The following POLR3D variants were observed in gnomAD, a reference collection of about 807,000 sequenced individuals.
POLR3D encodes the protein DNA-directed RNA polymerase III subunit RPC4.
In POLR3D, 42 loss-of-function variants were observed where a neutral mutation model predicts 44.5. The observed-to-expected ratio is 0.94, with a 90% CI of 0.74 to 1.22. The LOEUF (loss-of-function observed/expected upper bound fraction) is 1.22. Among genes scored for constraint, POLR3D ranks in the 50% most tolerant of loss-of-function variants. The pLI is 0.00. For missense variants in POLR3D, 507 were observed against 505.2 expected, an observed-to-expected ratio of 1.00 and a Z score of -0.03; for synonymous variants, 217 against 198.1, an observed-to-expected ratio of 1.10 and a Z score of -0.80.
At chr8:22,246,522 T>C (rs928510317) in intron 2 of POLR3D, among the ~76,000 whole-genome samples, 12 of 151,682 alleles carry the variant, frequency 7.9e-5, no homozygotes, top group Admixed American at 4.6e-4. Context: ...CTCAGCTCAC[T>C]GCAACCTCCG....
At chr8:22,250,352 G>A in intron 8 of POLR3D, 44 bp from the exon 9 acceptor site, 7 of 1,613,534 alleles carry the variant, frequency 4.3e-6, no homozygotes, top group Non-Finnish European at 5.9e-6. Flanking sequence ...CTACACGCCG[G>A]GCACGTGGTG....
Position 22,254,427 on chromosome 8 carries a change from T to G in POLR3D, c.*3909T>G, listed in dbSNP as rs1000097886. 13 of 152,266 alleles carry G rather than the reference T, an allele frequency of 8.5e-5. No individual in the cohort carries two copies. The highest frequency in any genetic ancestry group is 1.5e-4 in the Non-Finnish European group (10 of 68,078). 9.4% of individuals were successfully genotyped at this position (152,266 alleles called of 1,614,324 possible). A position where few individuals can be genotyped will look rare whatever the true frequency, so the allele number is the denominator to read the frequency against. On this transcript the variant is annotated 3_prime_UTR_variant, in exon 9 of 9. Coordinates refer to ENST00000306433, the MANE Select transcript of POLR3D (RefSeq NM_001722.3). The stretch of plus-strand genomic sequence containing the variant: ...CTGGAGCTGAGGTGGGAGGATCACT[T>G]GAGCCCAGGAGTTCAAGACCAGCCT...
chr8:22,247,085 G>T, intron 2 of POLR3D, 136 bp from the exon 3 acceptor site: 2 of 646,936 alleles, frequency 3.1e-6, no homozygotes, highest in South Asian at 2.0e-5. Flanking sequence ...CTATAAAACT[G>T]ACAGCACTGT....
chr8:22,249,863 G>C (rs1347558217), intron 7 of POLR3D, among the ~76,000 whole-genome samples: 1 of 152,198 alleles, frequency 6.6e-6, no homozygotes, highest in African/African-American at 2.4e-5. Context: ...CCAGAACTCA[G>C]CTTCAGCAGT....
chr8:22,249,490 G>C (rs553612038), intron 7 of POLR3D, among the ~76,000 whole-genome samples, 181 bp downstream of exon 7: 14 of 152,016 alleles, frequency 9.2e-5, no homozygotes, highest in Non-Finnish European at 2.1e-4. Flanking sequence ...TATGTGTTGT[G>C]GGGGTGTGTG....
At position 22,249,326 on chromosome 8, in the gene POLR3D, G is replaced by C. The variant is rs1830076873; in HGVS notation, c.921+17G>C. ...AAAGACCGAGTACGCTCAGACAGAG[G>C]CCTGCGGGAATCAAGTCGGGGACTG... is the stretch of plus-strand genomic sequence containing the variant. On this transcript the variant is annotated intron_variant, in intron 7 of 8. Coordinates refer to ENST00000306433, the MANE Select transcript of POLR3D (RefSeq NM_001722.3). The C allele has an allele frequency of 6.2e-7, 1 of 1,608,388 alleles. No homozygotes were observed. The highest frequency in any genetic ancestry group is 1.7e-5 in the Admixed American group (1 of 59,896).
intron 6 of POLR3D, 108 bp from the exon 7 acceptor site, chr8:22,248,936 A>G (rs1417683286): frequency 1.6e-6 from 2 of 1,286,700 alleles, no homozygotes; most frequent in Non-Finnish European, 2.2e-6. Context: ...CCTCCTTCCC[A>G]CTCCCTGGCT....
intron 3 of POLR3D, 52 bp from the exon 4 acceptor site, chr8:22,247,805 T>C: frequency 6.4e-7 from 1 of 1,573,590 alleles, no homozygotes; most frequent in South Asian, 1.1e-5. Flanking sequence ...TAAGGCCAGA[T>C]TTTGGAGACA....
intron 2 of POLR3D, 148 bp downstream of exon 2, chr8:22,245,762 C>T: frequency 2.1e-6 from 1 of 477,864 alleles, no homozygotes; most frequent in Non-Finnish European, 3.3e-6. Flanking sequence ...GGGAGTCTGT[C>T]CTACCTTCAA....
chr8:22,246,086 G>T (rs767036316), intron 2 of POLR3D, among the ~76,000 whole-genome samples: 2 of 152,128 alleles, frequency 1.3e-5, no homozygotes, highest in Non-Finnish European at 2.9e-5. Flanking sequence ...CCCAGAAAGG[G>T]GTGGGGTCAG....
At chr8:22,247,817 A>G (rs375420772) in intron 3 of POLR3D, 40 bp from the exon 4 acceptor site, 2 of 1,594,610 alleles carry the variant, frequency 1.3e-6, no homozygotes, top group Non-Finnish European at 1.7e-6. Context: ...TTGGAGACAC[A>G]GTGAGTGAGT....
Position 22,247,763 on chromosome 8 carries a change from C to T in POLR3D, c.210-94C>T, listed in dbSNP as rs569189585. ...TGGTGTAAATATTGGCTCAAACTCT[C>T]CACTGTTTTGGAGTGAAGTGGTATG... is the stretch of plus-strand genomic sequence containing the variant. On this transcript the variant is annotated intron_variant, in intron 3 of 8. Transcript: ENST00000306433. 153 of 1,181,756 alleles carry T rather than the reference C, an allele frequency of 1.3e-4. No individual in the cohort carries two copies. In the African/African-American group the frequency reaches 2.0e-3, roughly 15 times the overall value. 73.2% of individuals were successfully genotyped at this position (1,181,756 alleles called of 1,614,324 possible).
Position 22,250,157 on chromosome 8 carries a change from G to T in POLR3D, c.1004G>T (p.Gly335Val). The T allele has an allele frequency of 6.2e-7, 1 of 1,614,168 alleles. No individual in the cohort carries two copies. Among genetic ancestry groups the T allele is most frequent in the East Asian group, 2.2e-5 (1 of 44,870 alleles). The change falls in exon 8 of 9, where the codon GGA (glycine) becomes GTA (valine). Residue 335 changes from glycine to valine, a missense_variant. By Grantham distance (109) the Gly-to-Val change is moderately radical. Transcript: ENST00000306433. ...GGCAAGCTACTCATCCGCAAGTCTG[G>T]AAGGGTGCAACTCCTCTTGGGCAAG... is the stretch of plus-strand genomic sequence containing the variant. ...QVGKLLIRKS[G>V]RVQLLLGKVT...
rs1214269506 is a variant in POLR3D, at chr8:22,251,294, A to G, written c.*776A>G. ...GTCCTCACCCTGGGCCTGATGCCCT[A>G]AATTTATGGTGTCAGATTGTTCTAT... is the stretch of plus-strand genomic sequence containing the variant. On this transcript the variant is annotated 3_prime_UTR_variant, in exon 9 of 9. Transcript: ENST00000306433. 6.5e-6 allele frequency: 1 copy of G among 153,576 alleles called. No individual in the cohort carries two copies. Among genetic ancestry groups the G allele is most frequent in the Non-Finnish European group, 1.5e-5 (1 of 68,058 alleles). 9.5% of individuals were successfully genotyped at this position (153,576 alleles called of 1,614,324 possible). A position where few individuals can be genotyped will look rare whatever the true frequency, so the allele number is the denominator to read the frequency against.
Position 22,248,011 on chromosome 8 carries a change from A to G in POLR3D, c.361+3A>G. 1 of 1,612,994 alleles carries G rather than the reference A, an allele frequency of 6.2e-7. No homozygotes were observed. Among genetic ancestry groups the G allele is most frequent in the Non-Finnish European group, 8.5e-7 (1 of 1,179,196 alleles). ...AGCTGAAATGATGAAGAAAAAAGGT[A>G]TAAGGAAGGAATCAGTGAATTTCAG... is the stretch of plus-strand genomic sequence containing the variant. On this transcript the variant is annotated splice_donor_region_variant and intron_variant, in intron 4 of 8. Transcript: ENST00000306433.
Position 22,245,626 on chromosome 8 carries a change from C to T in POLR3D, c.165+12C>T, listed in dbSNP as rs913834169. The stretch of plus-strand genomic sequence containing the variant: ...GGGGAGTCAAGAAGGTACCCAACGG[C>T]GCGTTTCTAAAGAAACTCAACTACC... On this transcript the variant is annotated intron_variant, in intron 2 of 8. Transcript: ENST00000306433. The T allele has an allele frequency of 7.2e-6, 9 of 1,250,756 alleles. No individual in the cohort carries two copies. In the African/African-American group the frequency reaches 1.1e-4, roughly 15 times the overall value. 77.5% of individuals were successfully genotyped at this position (1,250,756 alleles called of 1,614,324 possible).
At chr8:22,248,132 T>C in intron 4 of POLR3D, 22 bp from the exon 5 acceptor site, 1 of 1,613,566 alleles carries the variant, frequency 6.2e-7, no homozygotes, top group Non-Finnish European at 8.5e-7. Flanking sequence ...CGATCCCTAG[T>C]GACCTGGGTG....
chr8:22,250,816 G>T lies in POLR3D; in HGVS notation c.*298G>T. On this transcript the variant is annotated 3_prime_UTR_variant, in exon 9 of 9. Transcript: ENST00000306433. ...TGCATCCTCCAAGGGTAGATGGGGA[G>T]GGTCTGTGTGAAGGGGCCGGCTTCT... 2.7e-6 allele frequency: 1 copy of T among 374,044 alleles called. No individual in the cohort carries two copies. The allele number at this position is 374,044 out of a possible 1,614,324, so 23.2% of individuals were successfully genotyped here.
chr8:22,254,314 A>G lies in POLR3D; in HGVS notation c.*3796A>G, dbSNP rs550192565. ...ATTATTTCAGCCTCCAAAATTTTGT[A>G]TGTTATTTATAATGATATAAATTAT... On this transcript the variant is annotated 3_prime_UTR_variant, in exon 9 of 9. Transcript: ENST00000306433. The G allele has an allele frequency of 6.6e-6, 1 of 152,210 alleles. No homozygotes were observed. The highest frequency in any genetic ancestry group is 2.4e-5 in the African/African-American group (1 of 41,522). 9.4% of individuals were successfully genotyped at this position (152,210 alleles called of 1,614,324 possible).
Sources: allele counts gnomAD v4.1 joint callset (sites outside exome capture counted in the v4.1 genomes callset), GRCh38; gene constraint gnomAD v4.1.1; transcripts MANE v1.5; gene names NCBI Gene and HGNC (gene_info 2026-07-23, HGNC 2026-07-21).